The following ZNF24 variants were observed in gnomAD, a reference collection of about 807,000 sequenced individuals.
ZNF24 encodes zinc finger protein 24.
ZNF24 carries 11 observed loss-of-function variants against 40.9 expected under a neutral mutation model. The ratio of observed to expected loss-of-function variants is 0.27; its 90% CI spans 0.17 to 0.45. ZNF24 has a LOEUF of 0.45. ZNF24 is among the 20% of genes least tolerant of loss of function. The pLI, the probability that ZNF24 is intolerant of heterozygous loss-of-function variation, is 1.00. For missense variants in ZNF24, 293 were observed against 437.7 expected (o/e 0.67, Z 2.95); for synonymous variants, 139 against 154.7 (o/e 0.90, Z 0.75).
chr18:35,336,446 C>T lies in ZNF24; in HGVS notation c.*786G>A, dbSNP rs1230320240. 5.3e-5 allele frequency: 8 copies of T among 152,182 alleles called. No homozygotes were observed. Among genetic ancestry groups the T allele is most frequent in the Non-Finnish European group, 1.5e-5 (1 of 68,032 alleles). 9.4% of individuals were successfully genotyped at this position (152,182 alleles called of 1,614,324 possible). A position where few individuals can be genotyped will look rare whatever the true frequency, so the allele number is the denominator to read the frequency against. On this transcript the variant is annotated 3_prime_UTR_variant, in exon 4 of 4. Transcript: ENST00000261332. ...AAATTTTTCCCTAGTGTTATAATTT[C>T]TACCTTCATTATTTTACAACTGTTT... is the stretch of plus-strand genomic sequence containing the variant.
Position 35,333,183 on chromosome 18 carries a change from C to T in ZNF24, c.*4049G>A, listed in dbSNP as rs886585860. 5 of 151,724 alleles carry T rather than the reference C, an allele frequency of 3.3e-5. No individual in the cohort carries two copies. Among genetic ancestry groups the T allele is most frequent in the African/African-American group, 1.2e-4 (5 of 41,336 alleles). The allele number at this position is 151,724 out of a possible 1,614,324, so 9.4% of individuals were successfully genotyped here. On this transcript the variant is annotated 3_prime_UTR_variant, in exon 4 of 4. Transcript: ENST00000261332. ...GATGTTTACTTTGGCAATGTAATAG[C>T]GAGAGGAAAAAAATTAAGGGAATAA...
Position 35,337,484 on chromosome 18 carries a change from C to G in ZNF24, c.855G>C (p.Gly285=). 1 of 1,613,764 alleles carries G rather than the reference C, an allele frequency of 6.2e-7. No homozygotes were observed. Among genetic ancestry groups the G allele is most frequent in the Non-Finnish European group, 8.5e-7 (1 of 1,179,666 alleles). ...GEKPYGCVEC[G]KAFSRSSILV... ...GAATGGAACTTCGGCTGAATGCTTT[C>G]CCACACTCAACACATCCATAAGGTT... The change falls in exon 4 of 4, where the codon GGG becomes GGC. Residue 285 remains glycine, a synonymous_variant. Coordinates refer to ENST00000261332, the MANE Select transcript of ZNF24 (RefSeq NM_006965.4).
At position 35,336,035 on chromosome 18, in the gene ZNF24, T is replaced by C. The variant is rs1166423083; in HGVS notation, c.*1197A>G. ...AACACCCTGGTAAAAAAAACTACAG[T>C]TCTGGGAACCTCACAGGTGACCTCC... On this transcript the variant is annotated 3_prime_UTR_variant, in exon 4 of 4. Coordinates refer to ENST00000261332, the MANE Select transcript of ZNF24 (RefSeq NM_006965.4). 1 of 152,544 alleles carries C rather than the reference T, an allele frequency of 6.6e-6. No homozygotes were observed. Among genetic ancestry groups the C allele is most frequent in the Non-Finnish European group, 1.5e-5 (1 of 68,050 alleles). 9.4% of individuals were successfully genotyped at this position (152,544 alleles called of 1,614,324 possible). A position where few individuals can be genotyped will look rare whatever the true frequency, so the allele number is the denominator to read the frequency against.
At chr18:35,341,215 G>A (rs868699083) in intron 1 of ZNF24, among the ~76,000 whole-genome samples, 54 of 152,256 alleles carry the variant, frequency 3.5e-4, no homozygotes, top group Middle Eastern at 3.4e-3. Context: ...TGATGTTTGG[G>A]TCAATGAAGG....
Position 35,339,839 on chromosome 18 carries a change from T to C in ZNF24, c.558A>G (p.Leu186=). The C allele has an allele frequency of 2.5e-6, 4 of 1,607,504 alleles. No individual in the cohort carries two copies. Among genetic ancestry groups the C allele is most frequent in the Middle Eastern group, 1.7e-4 (1 of 6,038 alleles). The change falls in exon 3 of 4, where the codon CTA becomes CTG. Residue 186 remains leucine, a synonymous_variant. Transcript: ENST00000261332. The stretch of plus-strand genomic sequence containing the variant: ...AGTTCTGGTCCTCACCACAGTGCCT[T>C]AGGGAATGGAGCTCCCAGGATGCCC... ...LKWASWELHS[L]RHCDDDGRTE... is the part of the protein sequence containing the mutation.
rs757148413 is a variant in ZNF24 at position 35,340,533 on chromosome 18, T to C, written c.118A>G (p.Ile40Val). Residue 40 changes from isoleucine to valine, a missense_variant, in exon 2 of 4, where the codon ATC (isoleucine) becomes GTC (valine). Transcript: ENST00000261332. This position sits in a 1 kb window ranked among gnomAD's most constrained non-coding sequence, Gnocchi z 4.6. Reference sequence around the variant, plus strand: ...GGGTCTGGGAGATGGTTCCAGGGGATACTTGATCCCTCTTCGCCATCAGGA... The same window carrying C: ...GGGTCTGGGAGATGGTTCCAGGGGACACTTGATCCCTCTTCGCCATCAGGA... ...EDPDGEEGSSIPWNHLPDPEI... is the reference protein window; with the variant it reads ...EDPDGEEGSSVPWNHLPDPEI... The C allele has an allele frequency of 4.7e-5, 76 of 1,614,142 alleles. No homozygotes were observed. Among genetic ancestry groups the C allele is most frequent in the Non-Finnish European group, 6.2e-5 (73 of 1,180,054 alleles).
At position 35,336,237 on chromosome 18, in the gene ZNF24, TCAACCCTTTTGTACCA is replaced by T. The variant is rs1392578984; in HGVS notation, c.*979_*994del. 1.3e-5 allele frequency: 2 copies of T among 152,662 alleles called. No individual in the cohort carries two copies. The highest frequency in any genetic ancestry group is 4.8e-5 in the African/African-American group (2 of 41,462). 9.5% of individuals were successfully genotyped at this position (152,662 alleles called of 1,614,324 possible). ...CATGGCTGCTTTTTTAGCCTGACGT[TCAACCCTTTTGTACCA>T]AAGGAATAAAAAATAGGTAACCTGA... On this transcript the variant is annotated 3_prime_UTR_variant, in exon 4 of 4. Coordinates refer to ENST00000261332, the MANE Select transcript of ZNF24 (RefSeq NM_006965.4).
At chr18:35,338,523 A>G (rs772233123) in intron 3 of ZNF24, 13 of 985,918 alleles carry the variant, frequency 1.3e-5, no homozygotes, top group Non-Finnish European at 1.6e-5. Flanking sequence ...GCAGGCAGAG[A>G]TAACAGCAAG....
rs2044960730 is a variant in ZNF24, at chr18:35,340,668, CAAG to C, written c.-21_-19del. 1 of 1,600,258 alleles carries C rather than the reference CAAG, an allele frequency of 6.2e-7. No homozygotes were observed. Among genetic ancestry groups the C allele is most frequent in the African/African-American group, 1.3e-5 (1 of 74,562 alleles). ...GCAGACATTCTGATTTATAATATTTCAAGAAAAGACAACTGAGGCAGAATATAA... is the reference window on the plus strand; with the variant it reads ...GCAGACATTCTGATTTATAATATTTCAAAAGACAACTGAGGCAGAATATAA... On this transcript the variant is annotated 5_prime_UTR_variant, in exon 2 of 4. Transcript: ENST00000261332. The surrounding 1 kb of genome is among the most constrained non-coding windows in gnomAD (Gnocchi z 4.6).
In ZNF24 at chr18:35,340,795, T is replaced by C. The variant is rs1056127817; in HGVS notation, c.-83-62A>G. ...AAAATATCCTAAGAATTTGAACTTA[T>C]ACTGGTAAAAGTAAAAGATACTTGT... On this transcript the variant is annotated intron_variant, in intron 1 of 3. Transcript: ENST00000261332. This position sits in a 1 kb window ranked among gnomAD's most constrained non-coding sequence, Gnocchi z 4.6. 15 of 729,298 alleles carry C rather than the reference T, an allele frequency of 2.1e-5. No individual in the cohort carries two copies. Among genetic ancestry groups the C allele is most frequent in the Non-Finnish European group, 2.8e-5 (13 of 466,824 alleles). The allele number at this position is 729,298 out of a possible 1,614,324, so 45.2% of individuals were successfully genotyped here. A position where few individuals can be genotyped will look rare whatever the true frequency, so the allele number is the denominator to read the frequency against.
Position 35,335,207 on chromosome 18 carries a change from T to C in ZNF24, c.*2025A>G, listed in dbSNP as rs181261808. 1 of 152,262 alleles carries C rather than the reference T, an allele frequency of 6.6e-6. No homozygotes were observed. Among genetic ancestry groups the C allele is most frequent in the East Asian group, 1.9e-4 (1 of 5,186 alleles). The allele number at this position is 152,262 out of a possible 1,614,324, so 9.4% of individuals were successfully genotyped here. On this transcript the variant is annotated 3_prime_UTR_variant, in exon 4 of 4. Transcript: ENST00000261332. The stretch of plus-strand genomic sequence containing the variant: ...TGGAAAGAAGCCAGTTATAAATAAA[T>C]AAATCACATCATTTATCTTAGAGCA...
In ZNF24 at chr18:35,341,979, C is replaced by T. The variant is rs111387376; in HGVS notation, c.-83-1246G>A. On this transcript the variant is annotated intron_variant, in intron 1 of 3. Transcript: ENST00000261332. Reference sequence around the variant, plus strand: ...TTGGGAGGCTGAGGCAGGCAGATCACGAGGTCAAGAGATCAAGACCATCCT... The same window carrying T: ...TTGGGAGGCTGAGGCAGGCAGATCATGAGGTCAAGAGATCAAGACCATCCT... Among the ~76,000 whole-genome samples the T allele has an allele frequency of 2.9e-3, 435 of 152,250 alleles. 4 individuals are homozygous for T. Among genetic ancestry groups the T allele is most frequent in the African/African-American group, 9.8e-3 (409 of 41,552 alleles).
chr18:35,338,626 A>G, intron 3 of ZNF24: 1 of 1,000,552 alleles, frequency 1.0e-6, no homozygotes, highest in Non-Finnish European at 1.2e-6. Context: ...AGAGGAAAAC[A>G]GTAAATAATT....
intron 3 of ZNF24, 97 bp downstream of exon 3, chr18:35,339,732 T>G: frequency 9.0e-7 from 1 of 1,112,328 alleles, no homozygotes; most frequent in Non-Finnish European, 1.2e-6. Flanking sequence ...AGATTAAGAG[T>G]GATATGATCC....
Position 35,334,252 on chromosome 18 carries a change from T to C in ZNF24, c.*2980A>G, listed in dbSNP as rs2044883927. The C allele has an allele frequency of 6.6e-6, 1 of 152,212 alleles. No homozygotes were observed. The highest frequency in any genetic ancestry group is 1.5e-5 in the Non-Finnish European group (1 of 68,024). The allele number at this position is 152,212 out of a possible 1,614,324, so 9.4% of individuals were successfully genotyped here. On this transcript the variant is annotated 3_prime_UTR_variant, in exon 4 of 4. Transcript: ENST00000261332. ...CATTTGTTAACCATAAACACAAATT[T>C]ATCAAGGTTTAATAGCCACCACCCA...
chr18:35,342,684 T>C (rs567194978), intron 1 of ZNF24: 13 of 152,350 alleles, frequency 8.5e-5, no homozygotes, highest in East Asian at 5.8e-4. Context: ...CTAGGCGCAA[T>C]AGGCTATACC....
intron 1 of ZNF24, among the ~76,000 whole-genome samples, chr18:35,341,938 C>T (rs1458139351): frequency 6.6e-6 from 1 of 152,150 alleles, no homozygotes; most frequent in Non-Finnish European, 1.5e-5. Flanking sequence ...TGGCTCAGGC[C>T]TGTAATCCCA....
intron 1 of ZNF24, among the ~76,000 whole-genome samples, chr18:35,341,821 C>T (rs1026254890): frequency 6.6e-6 from 1 of 152,036 alleles, no homozygotes; most frequent in African/African-American, 2.4e-5. Flanking sequence ...GAGTTCAAGG[C>T]TCCACTGAGC....
chr18:35,340,819 G>C lies in ZNF24; in HGVS notation c.-83-86C>G. On this transcript the variant is annotated intron_variant, in intron 1 of 3. Coordinates refer to ENST00000261332, the MANE Select transcript of ZNF24 (RefSeq NM_006965.4). This position sits in a 1 kb window ranked among gnomAD's most constrained non-coding sequence, Gnocchi z 4.6. Reference sequence around the variant, plus strand: ...ATACTGGTAAAAGTAAAAGATACTTGTTCTTTGAGTTAAAAATTCCAATCA... The same window carrying C: ...ATACTGGTAAAAGTAAAAGATACTTCTTCTTTGAGTTAAAAATTCCAATCA... 1.6e-6 allele frequency: 1 copy of C among 641,318 alleles called. No homozygotes were observed. 39.7% of individuals were successfully genotyped at this position (641,318 alleles called of 1,614,324 possible).
Sources: allele counts gnomAD v4.1 joint callset (sites outside exome capture counted in the v4.1 genomes callset), GRCh38; gene constraint gnomAD v4.1.1; non-coding constraint Gnocchi (gnomAD v3.1); transcripts MANE v1.5; gene names NCBI Gene and HGNC (gene_info 2026-07-23, HGNC 2026-07-21).